Variants in SAMD5 observed in about 807,000 individuals in gnomAD.
The protein encoded by SAMD5 is sterile alpha motif domain containing 5, also known as sterile alpha motif domain-containing protein 5.
SAMD5 carries 13 observed loss-of-function variants against 11.3 expected under a neutral mutation model. That is an observed-to-expected ratio of 1.15 (90% CI 0.75 to 1.83). The LOEUF (loss-of-function observed/expected upper bound fraction) is 1.83. Among genes scored for constraint, SAMD5 ranks in the 40% most tolerant of loss-of-function variants. The probability of loss-of-function intolerance (pLI) is 0.00; values close to 1 mark genes in which losing one functional copy is unlikely to be tolerated. For synonymous variants in SAMD5, 129 were observed against 111.3 expected (o/e 1.16, Z -1.00); for missense variants, 255 against 239.1 (o/e 1.07, Z -0.44).
At chr6:147,783,849 C>T in the SAMD5 span, among the ~76,000 whole-genome samples, 6 of 152,126 alleles carry the variant, frequency 3.9e-5, no homozygotes, top group Non-Finnish European at 7.4e-5. Context: ...TTTTCTCTAT[C>T]GAGCTACTGA....
intron 1 of SAMD5, among the ~76,000 whole-genome samples, chr6:147,710,543 C>G (rs1256820730): frequency 6.6e-6 from 1 of 152,224 alleles, no homozygotes; most frequent in Middle Eastern, 3.4e-3. Flanking sequence ...TGGCCCACTC[C>G]GTTACGGTTA....
the SAMD5 span, among the ~76,000 whole-genome samples, chr6:147,905,613 C>T: frequency 1.3e-5 from 2 of 152,248 alleles, no homozygotes; most frequent in Middle Eastern, 3.4e-3. Flanking sequence ...TAACTCATGA[C>T]TTACTGATCA....
the SAMD5 span, among the ~76,000 whole-genome samples, chr6:147,845,646 G>T: frequency 6.6e-6 from 1 of 151,958 alleles, no homozygotes; most frequent in East Asian, 1.9e-4. Context: ...AACATCATTA[G>T]CCCCCAGAGA....
downstream of SAMD5, among the ~76,000 whole-genome samples, chr6:147,573,564 C>T (rs1021839874): frequency 6.6e-6 from 1 of 152,214 alleles, no homozygotes; most frequent in African/African-American, 2.4e-5. Context: ...CACAGCCAAA[C>T]TATGTCACCA....
At chr6:147,548,630 C>T (rs1788721491) in intron 1 of SAMD5, among the ~76,000 whole-genome samples, 1 of 152,068 alleles carries the variant, frequency 6.6e-6, no homozygotes, top group African/African-American at 2.4e-5. Flanking sequence ...AATGCTTCTC[C>T]CAAAGGTATC....
At chr6:147,524,989 T>C (rs529481452) in intron 1 of SAMD5, among the ~76,000 whole-genome samples, 4 of 152,066 alleles carry the variant, frequency 2.6e-5, no homozygotes, top group South Asian at 4.2e-4. Context: ...ATTAGAAAAT[T>C]TCATTTGAAA....
chr6:147,920,756 G>A, the SAMD5 span, among the ~76,000 whole-genome samples: 1 of 152,118 alleles, frequency 6.6e-6, no homozygotes, highest in Non-Finnish European at 1.5e-5. Flanking sequence ...TAGCTTCATG[G>A]CATTACTGTT....
the SAMD5 span, among the ~76,000 whole-genome samples, chr6:147,777,158 TTCTC>T: frequency 2.6e-5 from 4 of 151,908 alleles, no homozygotes; most frequent in East Asian, 5.8e-4. Context: ...GACTTTTTTT[TTCTC>T]TCTCTCTCAT....
chr6:147,568,316 A>G lies in SAMD5; in HGVS notation c.*3860A>G, dbSNP rs1340923064. 6.1e-6 allele frequency: 6 copies of G among 985,224 alleles called. No individual in the cohort carries two copies. Among genetic ancestry groups the G allele is most frequent in the Non-Finnish European group, 7.2e-6 (6 of 829,852 alleles). 61.0% of individuals were successfully genotyped at this position (985,224 alleles called of 1,614,324 possible). ...ATTTTTCCCTTATAAGAGCCTGAGT[A>G]TTGTAACAGGTCTCTTGCACAGGGG... is the stretch of plus-strand genomic sequence containing the variant. On this transcript the variant is annotated 3_prime_UTR_variant, in exon 2 of 2. Coordinates refer to ENST00000367474, the MANE Select transcript of SAMD5 (RefSeq NM_001030060.3).
At chr6:147,693,088 C>A (rs898854642) in intron 1 of SAMD5, among the ~76,000 whole-genome samples, 1 of 152,168 alleles carries the variant, frequency 6.6e-6, no homozygotes, top group Admixed American at 6.5e-5. Context: ...GCGCTCTCTC[C>A]GACAATAGCT....
chr6:147,768,590 T>G, the SAMD5 span, among the ~76,000 whole-genome samples: 1 of 152,136 alleles, frequency 6.6e-6, no homozygotes. Context: ...TAAATTGAAC[T>G]CTTACTATGT....
In SAMD5 at chr6:147,560,882, A is replaced by G. The variant is rs141869938; in HGVS notation, c.460-3512A>G. On this transcript the variant is annotated intron_variant, in intron 1 of 1. Transcript: ENST00000367474. ...CCCTCAAACCCCATAAAAGCCTAGA[A>G]CAAATGAAACTGAGAAAGTCACAAC... Among the ~76,000 whole-genome samples the G allele has an allele frequency of 1.8e-3, 273 of 152,322 alleles. 1 individual carries two copies. Among genetic ancestry groups the G allele is most frequent in the African/African-American group, 6.3e-3 (261 of 41,568 alleles).
chr6:147,629,575 A>G (rs958221822), intron 1 of SAMD5, among the ~76,000 whole-genome samples: 2 of 152,238 alleles, frequency 1.3e-5, no homozygotes, highest in African/African-American at 4.8e-5. Flanking sequence ...AGTGGAGGCT[A>G]GTAAAAGGAT....
chr6:147,530,781 CAG>C (rs926910337), intron 1 of SAMD5, among the ~76,000 whole-genome samples: 76 of 152,274 alleles, frequency 5.0e-4, no homozygotes, highest in African/African-American at 1.8e-3. Flanking sequence ...TTCCCAAACA[CAG>C]AGAGAAAAAG....
the SAMD5 span, among the ~76,000 whole-genome samples, chr6:147,792,792 A>G: frequency 1.4e-4 from 21 of 152,328 alleles, no homozygotes; most frequent in South Asian, 2.5e-3. Context: ...GATGTATGTC[A>G]AAGGAACACT....
chr6:147,663,496 AG>A (rs1202257241), intron 1 of SAMD5, among the ~76,000 whole-genome samples: 1 of 152,078 alleles, frequency 6.6e-6, no homozygotes, highest in Non-Finnish European at 1.5e-5. Context: ...AAAGAAAACA[AG>A]GGGGCCAGGT....
At chr6:147,598,500 T>C (rs1789569210) in intron 1 of SAMD5, among the ~76,000 whole-genome samples, 1 of 152,134 alleles carries the variant, frequency 6.6e-6, no homozygotes, top group African/African-American at 2.4e-5. Flanking sequence ...CAGAAAACAA[T>C]ATAGATTTTT....
In SAMD5 at chr6:147,697,619, TA is replaced by T. The variant is rs541040532; in HGVS notation, c.163-39691del. Among the ~76,000 whole-genome samples, 131 of 152,124 alleles carry T rather than the reference TA, an allele frequency of 8.6e-4. 2 individuals carry two copies. In the South Asian group the frequency reaches 0.02, roughly 23 times the overall value. ...TGCAGCTTAACAATAAAAAAATCTATAAAAAAACTAAACTAAAACTAGGGGT... is the reference window on the plus strand; with the variant it reads ...TGCAGCTTAACAATAAAAAAATCTATAAAAAACTAAACTAAAACTAGGGGT... On this transcript the variant is annotated intron_variant, in intron 1 of 1. Transcript: ENST00000566741.
chr6:147,937,503 C>T, the SAMD5 span, among the ~76,000 whole-genome samples: 1 of 152,156 alleles, frequency 6.6e-6, no homozygotes, highest in African/African-American at 2.4e-5. Context: ...CCTAGCAGTC[C>T]AGCTTCATCT....
Sources: allele counts gnomAD v4.1 joint callset (sites outside exome capture counted in the v4.1 genomes callset), GRCh38; gene constraint gnomAD v4.1.1; transcripts MANE v1.5; gene names NCBI Gene and HGNC (gene_info 2026-07-23, HGNC 2026-07-21).